CHD9: variants seen among roughly 807,000 people sequenced by gnomAD.
CHD9 encodes the protein chromodomain helicase DNA binding protein 9.
Under a neutral mutation model 316.1 loss-of-function variants are expected in CHD9, and 77 were observed. That is an observed-to-expected ratio of 0.24 (90% confidence interval 0.20 to 0.29). The LOEUF (loss-of-function observed/expected upper bound fraction) is 0.29, where lower values mean the gene tolerates loss of function less well. CHD9 is among the 10% of genes least tolerant of loss of function. The pLI, the probability that CHD9 is intolerant of heterozygous loss-of-function variation, is 1.00. For synonymous variants in CHD9, 1,129 were observed against 1,158.3 expected (o/e 0.97, Z 0.51); for missense variants, 2,763 against 3,438.1 (o/e 0.80, Z 4.91).
intron 4 of CHD9, among the ~76,000 whole-genome samples, chr16:53,226,045 T>C (rs959360548): frequency 6.6e-6 from 1 of 152,078 alleles, no homozygotes; most frequent in African/African-American, 2.4e-5. Context: ...TAATAAAATA[T>C]ATTTTGCCCA....
At chr16:53,310,213 A>G (rs1242228402) in intron 34 of CHD9, among the ~76,000 whole-genome samples, 1 of 152,236 alleles carries the variant, frequency 6.6e-6, no homozygotes, top group Non-Finnish European at 1.5e-5. Context: ...CACTTCAAAT[A>G]TGAATCACCC....
At chr16:53,083,080 G>A (rs562369477) in intron 1 of CHD9, among the ~76,000 whole-genome samples, 2 of 152,340 alleles carry the variant, frequency 1.3e-5, no homozygotes, top group African/African-American at 4.8e-5. Context: ...CATTGATTAA[G>A]TGACTGGCAA....
At chr16:53,096,218 C>G (rs2036367538) in intron 1 of CHD9, among the ~76,000 whole-genome samples, 1 of 152,006 alleles carries the variant, frequency 6.6e-6, no homozygotes, top group African/African-American at 2.4e-5. Context: ...CCACTATGCC[C>G]AGCCAAGACG....
Position 53,070,600 on chromosome 16 carries a change from G to A in CHD9, c.-165+15523G>A, listed in dbSNP as rs554220021. ...TTTGGAGTCTTGCTCTGTCACCCAG[G>A]CTGGAGTGTAATGGCGTGATCTTGG... On this transcript the variant is annotated intron_variant, in intron 1 of 38. Transcript: ENST00000447540. 6.6e-5 allele frequency among the ~76,000 whole-genome samples: 10 copies of A among 150,440 alleles called. No homozygotes were observed. In the South Asian group the frequency reaches 2.1e-3, roughly 32 times the overall value.
intron 2 of CHD9, among the ~76,000 whole-genome samples, chr16:53,173,767 A>G (rs2042932246): frequency 6.6e-6 from 1 of 151,614 alleles, no homozygotes; most frequent in African/African-American, 2.4e-5. Context: ...GATGGTCTCG[A>G]TCTCCTGACC....
At position 53,325,993 on chromosome 16, in the gene CHD9, T is replaced by A. The variant is rs2057527334; in HGVS notation, c.*1098T>A. 6.6e-6 allele frequency: 1 copy of A among 152,550 alleles called. No homozygotes were observed. Among genetic ancestry groups the A allele is most frequent in the South Asian group, 2.1e-4 (1 of 4,836 alleles). The allele number at this position is 152,550 out of a possible 1,614,324, so 9.4% of individuals were successfully genotyped here. On this transcript the variant is annotated 3_prime_UTR_variant, in exon 39 of 39. Transcript: ENST00000447540. ...ATGTTGCCCAGAATCAGTGTTGGGTTATCAGTTTATATTAAATATACTGAG... is the reference window on the plus strand; with the variant it reads ...ATGTTGCCCAGAATCAGTGTTGGGTAATCAGTTTATATTAAATATACTGAG...
chr16:53,131,709 C>G (rs1057447087), intron 1 of CHD9, among the ~76,000 whole-genome samples: 19 of 152,050 alleles, frequency 1.2e-4, no homozygotes, highest in Admixed American at 3.3e-4. Flanking sequence ...CATCCTGCAG[C>G]CTCTTTCCCT....
intron 1 of CHD9, among the ~76,000 whole-genome samples, chr16:53,141,214 T>A (rs1055084856): frequency 4.6e-5 from 7 of 152,190 alleles, no homozygotes; most frequent in Admixed American, 2.0e-4. Context: ...TAATCCCTAT[T>A]TACAGATGAA....
chr16:53,055,809 A>T (rs2032028812), intron 1 of CHD9, among the ~76,000 whole-genome samples: 1 of 152,148 alleles, frequency 6.6e-6, no homozygotes, highest in Non-Finnish European at 1.5e-5. Context: ...TGGTTCTGAA[A>T]GGGTTGAACT....
chr16:53,290,006 G>T lies in CHD9; in HGVS notation c.5248-1719G>T, dbSNP rs550213113. 2.0e-5 allele frequency among the ~76,000 whole-genome samples: 3 copies of T among 152,316 alleles called. No individual in the cohort carries two copies. The South Asian group carries it at 6.2e-4, about 32-fold the overall frequency. Reference sequence around the variant, plus strand: ...CTGCTCAAATTGACCAGGCACAGTGGCTCATGCCTGTAATCCCAGCACTTT... The same window carrying T: ...CTGCTCAAATTGACCAGGCACAGTGTCTCATGCCTGTAATCCCAGCACTTT... On this transcript the variant is annotated intron_variant, in intron 27 of 38. Transcript: ENST00000447540.
intron 19 of CHD9, among the ~76,000 whole-genome samples, chr16:53,256,322 C>G (rs2050585498): frequency 6.7e-6 from 1 of 149,760 alleles, no homozygotes; most frequent in South Asian, 2.1e-4. Flanking sequence ...ACTCTATACT[C>G]TGTTAGGCGA....
intron 26 of CHD9, among the ~76,000 whole-genome samples, chr16:53,286,764 T>G (rs914596676): frequency 3.3e-5 from 5 of 152,186 alleles, no homozygotes; most frequent in Non-Finnish European, 7.3e-5. Context: ...GATGCTCTAG[T>G]CCTATATATA....
In CHD9 at chr16:53,267,465, G is replaced by A. The variant is rs1372915921; in HGVS notation, c.4492G>A (p.Val1498Ile). ...NGYGRTECFR[V>I]EKNLLVYGWG... is the part of the protein sequence containing the mutation. The stretch of plus-strand genomic sequence containing the variant: ...CTATGGAAGAACTGAATGCTTTAGA[G>A]TTGAGAAAAACCTGCTAGTTTATGG... The change falls in exon 21 of 39, where the codon GTT becomes ATT. Residue 1498 changes from valine (V) to isoleucine (I), a missense_variant. Around this residue, in one of 15 missense-constraint regions of CHD9, gnomAD observed 0 missense variants for 16.0 expected, o/e 0.00. Coordinates refer to ENST00000447540, the MANE Select transcript of CHD9 (RefSeq NM_001308319.2). 1 of 1,598,978 alleles carries A rather than the reference G, an allele frequency of 6.3e-7. No homozygotes were observed. Among genetic ancestry groups the A allele is most frequent in the Non-Finnish European group, 8.5e-7 (1 of 1,173,222 alleles).
At chr16:53,154,160 A>C (rs1316565213) in intron 1 of CHD9, among the ~76,000 whole-genome samples, 1 of 152,240 alleles carries the variant, frequency 6.6e-6, no homozygotes, top group African/African-American at 2.4e-5. Flanking sequence ...TTTATTACTC[A>C]AAAGTATCTG....
chr16:53,250,098 A>AT, intron 17 of CHD9, 32 bp downstream of exon 17: 10 of 1,536,454 alleles, frequency 6.5e-6, no homozygotes, highest in Non-Finnish European at 8.8e-6. Context: ...CAAAAAATGC[A>AT]TTTTTTAAAA....
chr16:53,299,153 A>G (rs566614364), intron 30 of CHD9: 5 of 170,564 alleles, frequency 2.9e-5, no homozygotes, highest in South Asian at 3.0e-4. Context: ...AGGTATTGGT[A>G]TGGCCAATTA....
At chr16:53,182,027 C>T (rs191278632) in intron 2 of CHD9, among the ~76,000 whole-genome samples, 7 of 152,044 alleles carry the variant, frequency 4.6e-5, no homozygotes, top group South Asian at 4.2e-4. Flanking sequence ...TGCAGTGAGC[C>T]GAGAGTGCAC....
intron 1 of CHD9, among the ~76,000 whole-genome samples, chr16:53,146,149 A>T (rs2040554382): frequency 6.7e-6 from 1 of 148,832 alleles, no homozygotes; most frequent in Admixed American, 6.8e-5. Flanking sequence ...GCACTTTGGG[A>T]GGCCAAGGTG....
At position 53,067,966 on chromosome 16, in the gene CHD9, G is replaced by A. The variant is rs574499798; in HGVS notation, c.-165+12889G>A. ...ACCAGCTACTTGGGGTGCTGAGGCA[G>A]GAGAATTGCTTGAGCCCAGGAGGTC... On this transcript the variant is annotated intron_variant, in intron 1 of 38. Coordinates refer to ENST00000447540, the MANE Select transcript of CHD9 (RefSeq NM_001308319.2). Among the ~76,000 whole-genome samples, 8 of 152,178 alleles carry A rather than the reference G, an allele frequency of 5.3e-5. No homozygotes were observed. In the East Asian group the frequency reaches 1.5e-3, roughly 29 times the overall value.
Sources: allele counts gnomAD v4.1 joint callset (sites outside exome capture counted in the v4.1 genomes callset), GRCh38; gene constraint gnomAD v4.1.1; regional missense constraint gnomAD v4.1.1; transcripts MANE v1.5; gene names NCBI Gene and HGNC (gene_info 2026-07-23, HGNC 2026-07-21).